PRKCA: variants seen among roughly 807,000 people sequenced by gnomAD.
PRKCA encodes protein kinase C alpha type.
In PRKCA, 27 loss-of-function variants were observed where a neutral mutation model predicts 87.0. The observed-to-expected ratio is 0.31, with a 90% confidence interval of 0.23 to 0.43. The LOEUF (loss-of-function observed/expected upper bound fraction) is 0.43. PRKCA is among the 20% of genes least tolerant of loss of function. The probability of loss-of-function intolerance (pLI) is 1.00; values close to 1 mark genes in which losing one functional copy is unlikely to be tolerated. For synonymous variants in PRKCA, 329 were observed against 311.1 expected (o/e 1.06, Z -0.61); for missense variants, 518 against 852.3 (o/e 0.61, Z 4.88).
chr17:66,664,647 G>GTTTT (rs398031366), intron 5 of PRKCA, among the ~76,000 whole-genome samples: 3 of 67,788 alleles, frequency 4.4e-5, no homozygotes, highest in Non-Finnish European at 8.1e-5. Context: ...TTTTGCTTTG[G>GTTTT]TTTTTTTTTT....
At chr17:66,383,572 T>G (rs1030433029) in intron 2 of PRKCA, among the ~76,000 whole-genome samples, 2 of 152,218 alleles carry the variant, frequency 1.3e-5, no homozygotes, top group Non-Finnish European at 2.9e-5. Flanking sequence ...GTCAGTGGAA[T>G]GATGCCTTTC....
At chr17:66,650,024 A>G (rs957503696) in intron 5 of PRKCA, among the ~76,000 whole-genome samples, 12 of 152,204 alleles carry the variant, frequency 7.9e-5, no homozygotes, top group Admixed American at 5.2e-4. Context: ...AATATAAACC[A>G]TAAGCCATCA....
intron 8 of PRKCA, among the ~76,000 whole-genome samples, chr17:66,730,037 C>T (rs1379223538): frequency 2.6e-5 from 4 of 152,146 alleles, no homozygotes; most frequent in Admixed American, 6.5e-5. Flanking sequence ...GTGATCCACC[C>T]ACCTCACCCT....
rs1261479202 is a variant in PRKCA at position 66,302,919 on chromosome 17, A to G, written c.68A>G (p.Lys23Arg). 6.2e-7 allele frequency: 1 copy of G among 1,612,220 alleles called. No homozygotes were observed. The highest frequency in any genetic ancestry group is 8.5e-7 in the Non-Finnish European group (1 of 1,179,078). The change falls in exon 1 of 17, where the codon AAA (lysine) becomes AGA (arginine). Residue 23 changes from lysine (K) to arginine (R), a missense_variant. Transcript: ENST00000413366. ...GACGTGGCCAACCGCTTCGCCCGCAAAGGGGCGCTGAGGCAGAAGAACGTG... is the reference window on the plus strand; with the variant it reads ...GACGTGGCCAACCGCTTCGCCCGCAGAGGGGCGCTGAGGCAGAAGAACGTG... The part of the protein sequence containing the change: ...SQDVANRFAR[K>R]GALRQKNVHE...
At chr17:66,741,127 G>C (rs1598909959) in intron 11 of PRKCA, among the ~76,000 whole-genome samples, 1 of 152,210 alleles carries the variant, frequency 6.6e-6, no homozygotes, top group African/African-American at 2.4e-5. Flanking sequence ...ATTTTGAAGT[G>C]ATGGTAGTTA....
intron 2 of PRKCA, among the ~76,000 whole-genome samples, chr17:66,335,332 A>G (rs957243926): frequency 3.9e-5 from 6 of 152,034 alleles, no homozygotes; most frequent in South Asian, 4.2e-4. Flanking sequence ...ACGAGGTGTG[A>G]CTATGTTGCC....
chr17:66,337,532 G>A (rs1026679707), intron 2 of PRKCA, among the ~76,000 whole-genome samples: 11 of 151,964 alleles, frequency 7.2e-5, no homozygotes, highest in South Asian at 2.1e-4. Context: ...TGAGACTACC[G>A]GTGGTTGCCA....
At chr17:66,364,718 C>T (rs907131469) in intron 2 of PRKCA, among the ~76,000 whole-genome samples, 6 of 152,120 alleles carry the variant, frequency 3.9e-5, no homozygotes, top group Admixed American at 1.3e-4. Context: ...CCAGTTCTCC[C>T]TGGCTGCTGA....
intron 2 of PRKCA, among the ~76,000 whole-genome samples, chr17:66,447,778 C>T (rs1676308946): frequency 6.6e-6 from 1 of 152,202 alleles, no homozygotes; most frequent in Non-Finnish European, 1.5e-5. Flanking sequence ...TCCAGTTTCA[C>T]CTGGGGCTAT....
Position 66,370,321 on chromosome 17 carries a change from TC to T in PRKCA, c.205+64197del, listed in dbSNP as rs1191140973. Among the ~76,000 whole-genome samples, 12 of 135,100 alleles carry T rather than the reference TC, an allele frequency of 8.9e-5. No homozygotes were observed. In the East Asian group the frequency reaches 9.1e-4, roughly 10 times the overall value. 88.6% of individuals were successfully genotyped at this position (135,100 alleles called of 152,430 possible). A position where few individuals can be genotyped will look rare whatever the true frequency, so the allele number is the denominator to read the frequency against. Reference sequence around the variant, plus strand: ...ATCTCGGCTTACTGCAACCTCTGCCTCCCGGGTTCAAGCAATTTTCCTGCCT... The same window carrying T: ...ATCTCGGCTTACTGCAACCTCTGCCTCCGGGTTCAAGCAATTTTCCTGCCT... On this transcript the variant is annotated intron_variant, in intron 2 of 16. Coordinates refer to ENST00000413366, the MANE Select transcript of PRKCA (RefSeq NM_002737.3).
chr17:66,616,341 T>C (rs1399001500), intron 3 of PRKCA, among the ~76,000 whole-genome samples: 1 of 152,240 alleles, frequency 6.6e-6, no homozygotes, highest in African/African-American at 2.4e-5. Context: ...ACTTGGATTC[T>C]GGCTGTGCCA....
chr17:66,809,918 A>T lies in PRKCA; in HGVS notation c.*5881A>T, dbSNP rs1976127660. On this transcript the variant is annotated 3_prime_UTR_variant, in exon 17 of 17. Coordinates refer to ENST00000413366, the MANE Select transcript of PRKCA (RefSeq NM_002737.3). ...CTGTGCCCAGACCCGCCTGGTCCCC[A>T]GGTCTCTCACCTTGGGTGAAGATTC... The T allele has an allele frequency of 6.6e-6, 1 of 152,192 alleles. No homozygotes were observed. The highest frequency in any genetic ancestry group is 1.5e-5 in the Non-Finnish European group (1 of 68,040). The allele number at this position is 152,192 out of a possible 1,614,324, so 9.4% of individuals were successfully genotyped here.
chr17:66,380,011 A>G (rs1052203852), intron 2 of PRKCA, among the ~76,000 whole-genome samples: 5 of 152,186 alleles, frequency 3.3e-5, no homozygotes, highest in Non-Finnish European at 7.4e-5. Context: ...ATTACTAGTC[A>G]CAGGATGCTA....
chr17:66,447,151 T>G (rs1160701234), intron 2 of PRKCA, among the ~76,000 whole-genome samples: 1 of 152,168 alleles, frequency 6.6e-6, no homozygotes, highest in Non-Finnish European at 1.5e-5. Context: ...TTTCTGAGAA[T>G]GTTTTGGCAG....
Position 66,724,102 on chromosome 17 carries a change from G to A in PRKCA, c.919-8586G>A, listed in dbSNP as rs564198070. 3.3e-5 allele frequency among the ~76,000 whole-genome samples: 5 copies of A among 152,268 alleles called. No individual in the cohort carries two copies. The South Asian group carries it at 1.0e-3, about 32-fold the overall frequency. On this transcript the variant is annotated intron_variant, in intron 8 of 16. Transcript: ENST00000413366. ...TGTTTAAAATGCATGTTTGGACTTA[G>A]TAGATCTGGGATGGGGCCCAAGAGT...
At chr17:66,431,504 G>T (rs557693194) in intron 2 of PRKCA, among the ~76,000 whole-genome samples, 1 of 152,142 alleles carries the variant, frequency 6.6e-6, no homozygotes, top group African/African-American at 2.4e-5. Flanking sequence ...ATTTCTTCCT[G>T]TGGCTCATGA....
intron 8 of PRKCA, among the ~76,000 whole-genome samples, chr17:66,724,022 G>C (rs1973681025): frequency 6.6e-6 from 1 of 152,194 alleles, no homozygotes; most frequent in African/African-American, 2.4e-5. Flanking sequence ...TGTCCCAACT[G>C]TCTTAGATCA....
chr17:66,663,654 T>C (rs1971965884), intron 5 of PRKCA, among the ~76,000 whole-genome samples: 1 of 152,160 alleles, frequency 6.6e-6, no homozygotes, highest in African/African-American at 2.4e-5. Flanking sequence ...AAAAGAAGCA[T>C]GATATCAGCT....
At position 66,602,575 on chromosome 17, in the gene PRKCA, G is replaced by A. The variant is rs140900533; in HGVS notation, c.289-38780G>A. Among the ~76,000 whole-genome samples the A allele has an allele frequency of 3.6e-3, 551 of 152,180 alleles. 1 individual carries two copies. Among genetic ancestry groups the A allele is most frequent in the African/African-American group, 0.013 (527 of 41,504 alleles). ...CTGTAGACCGGAGCTGTTCCTATTCGGCCATCTTGGCTCCTCCTCCAAAAA... is the reference window on the plus strand; with the variant it reads ...CTGTAGACCGGAGCTGTTCCTATTCAGCCATCTTGGCTCCTCCTCCAAAAA... On this transcript the variant is annotated intron_variant, in intron 3 of 16. Coordinates refer to ENST00000413366, the MANE Select transcript of PRKCA (RefSeq NM_002737.3).
Sources: allele counts gnomAD v4.1 joint callset (sites outside exome capture counted in the v4.1 genomes callset), GRCh38; gene constraint gnomAD v4.1.1; transcripts MANE v1.5; gene names NCBI Gene and HGNC (gene_info 2026-07-23, HGNC 2026-07-21).